COTL1: variants seen among roughly 807,000 people sequenced by gnomAD.
COTL1 encodes the protein coactosin-like protein.
COTL1 carries 15 observed loss-of-function variants against 16.5 expected under a neutral mutation model. The ratio of observed to expected loss-of-function variants is 0.91; its 90% confidence interval spans 0.61 to 1.40. The LOEUF (loss-of-function observed/expected upper bound fraction) is 1.40. Among genes scored for constraint, COTL1 ranks in the 40% most tolerant of loss-of-function variants. The pLI is 0.00. For missense variants in COTL1, 220 were observed against 201.5 expected (o/e 1.09, Z -0.56); for synonymous variants, 112 against 85.3 (o/e 1.31, Z -1.73).
In COTL1 at chr16:84,600,055, C is replaced by T. The variant is rs1009616551; in HGVS notation, c.161-9793G>A. Among the ~76,000 whole-genome samples the T allele has an allele frequency of 3.9e-5, 6 of 152,192 alleles. No homozygotes were observed. In the East Asian group the frequency reaches 9.7e-4, roughly 25 times the overall value. On this transcript the variant is annotated intron_variant, in intron 2 of 3. Coordinates refer to ENST00000262428, the MANE Select transcript of COTL1 (RefSeq NM_021149.5). ...GGCCTGAGGCTGGGGCTGGAAGGGGCCAGGTTCGTTGCTGAAGTTGAAGGG... is the reference window on the plus strand; with the variant it reads ...GGCCTGAGGCTGGGGCTGGAAGGGGTCAGGTTCGTTGCTGAAGTTGAAGGG...
chr16:84,613,064 G>A (rs1215109426), intron 2 of COTL1, among the ~76,000 whole-genome samples: 11 of 150,650 alleles, frequency 7.3e-5, no homozygotes, highest in African/African-American at 1.7e-4. Context: ...ACAACAGCGC[G>A]ATCTCGGCTC....
intron 3 of COTL1, chr16:84,568,261 G>A (rs1290790034): frequency 6.6e-6 from 1 of 152,176 alleles, no homozygotes; most frequent in Non-Finnish European, 1.5e-5. Context: ...GCCTCCCAAG[G>A]TGTTGGCACT....
intron 2 of COTL1, among the ~76,000 whole-genome samples, chr16:84,597,661 G>A (rs1905033398): frequency 6.6e-6 from 1 of 152,210 alleles, no homozygotes; most frequent in South Asian, 2.1e-4. Context: ...AGAACTCACT[G>A]TTGGGAGAGG....
chr16:84,580,231 C>G (rs1277469799), intron 3 of COTL1, among the ~76,000 whole-genome samples: 1 of 152,222 alleles, frequency 6.6e-6, no homozygotes, highest in Non-Finnish European at 1.5e-5. Context: ...CTCCTTCTTT[C>G]TCCTAGGAGA....
chr16:84,583,535 C>T (rs1303316987), intron 3 of COTL1, among the ~76,000 whole-genome samples: 2 of 152,196 alleles, frequency 1.3e-5, no homozygotes, highest in Admixed American at 1.3e-4. Flanking sequence ...ACAGCTCATG[C>T]AGCCTCCAAC....
intron 2 of COTL1, among the ~76,000 whole-genome samples, chr16:84,608,829 T>C (rs1279931144): frequency 6.6e-6 from 1 of 152,162 alleles, no homozygotes; most frequent in African/African-American, 2.4e-5. Flanking sequence ...TCGCCTGAGC[T>C]GGGAGGCAGA....
intron 3 of COTL1, chr16:84,568,163 A>T (rs1447371305): frequency 2.2e-4 from 33 of 152,134 alleles, no homozygotes; most frequent in Admixed American, 2.1e-3. Context: ...ACACCCAGCT[A>T]TTTTTTGTAT....
chr16:84,600,897 G>A (rs1288352206), intron 2 of COTL1, among the ~76,000 whole-genome samples: 5 of 152,186 alleles, frequency 3.3e-5, no homozygotes, highest in African/African-American at 1.2e-4. Context: ...AAATTAAACC[G>A]AGAGCTAAAG....
intron 3 of COTL1, among the ~76,000 whole-genome samples, chr16:84,570,141 T>A (rs1188958842): frequency 2.0e-5 from 3 of 152,066 alleles, no homozygotes; most frequent in Non-Finnish European, 4.4e-5. Context: ...CTGGGTGTAG[T>A]GGCGCGAGCC....
intron 2 of COTL1, chr16:84,596,966 C>CAG (rs10660614): frequency 0.21 from 32,244 of 152,606 alleles, 3,753 homozygotes; most frequent in Non-Finnish European, 0.27. Context: ...GCACAAACTC[C>CAG]AGAGATCAGC....
intron 2 of COTL1, among the ~76,000 whole-genome samples, chr16:84,606,598 C>A (rs1271865390): frequency 1.3e-5 from 2 of 152,222 alleles, no homozygotes; most frequent in African/African-American, 4.8e-5. Context: ...GTCACCTTCT[C>A]CAAGGCCATG....
At chr16:84,581,244 A>T (rs1042836616) in intron 3 of COTL1, among the ~76,000 whole-genome samples, 1 of 151,688 alleles carries the variant, frequency 6.6e-6, no homozygotes, top group Non-Finnish European at 1.5e-5. Context: ...GGTGAAATGC[A>T]TCAGGCCAAA....
intron 3 of COTL1, chr16:84,575,666 T>G (rs930525829): frequency 1.3e-5 from 2 of 152,198 alleles, no homozygotes; most frequent in African/African-American, 2.4e-5. Context: ...CCCCTTTTCA[T>G]TTTTTAATGG....
intron 2 of COTL1, among the ~76,000 whole-genome samples, chr16:84,602,713 T>C (rs11860351): frequency 0.042 from 6,440 of 151,924 alleles, 470 homozygotes; most frequent in African/African-American, 0.15. Context: ...AAATTAGCCA[T>C]TCATGGTGGT....
intron 3 of COTL1, among the ~76,000 whole-genome samples, chr16:84,573,329 G>A (rs1904374308): frequency 6.6e-6 from 1 of 152,356 alleles, no homozygotes; most frequent in African/African-American, 2.4e-5. Flanking sequence ...CAACAGCGCA[G>A]GTCTAGACAG....
chr16:84,593,457 A>G (rs932687837), intron 2 of COTL1, among the ~76,000 whole-genome samples: 4 of 151,762 alleles, frequency 2.6e-5, no homozygotes, highest in African/African-American at 9.7e-5. Context: ...CACCTGTAAA[A>G]CACGTTCTTT....
intron 2 of COTL1, among the ~76,000 whole-genome samples, chr16:84,601,469 T>A (rs931916927): frequency 6.6e-6 from 1 of 151,936 alleles, no homozygotes; most frequent in Non-Finnish European, 1.5e-5. Flanking sequence ...TTTTCTTTTA[T>A]CCCCCCGAGA....
At chr16:84,592,114 C>A (rs1163100604) in intron 2 of COTL1, among the ~76,000 whole-genome samples, 1 of 152,224 alleles carries the variant, frequency 6.6e-6, no homozygotes, top group Non-Finnish European at 1.5e-5. Context: ...TTGCAGATGT[C>A]CTCCAAAGGG....
At chr16:84,575,358 TTATTTA>T (rs1448382931) in intron 3 of COTL1, 1 of 151,472 alleles carries the variant, frequency 6.6e-6, no homozygotes, top group Non-Finnish European at 1.5e-5. Context: ...ATTTTTATTT[TTATTTA>T]TTTTCATTTT....
Sources: gnomAD v4.1 joint callset for allele counts (sites outside exome capture counted in the v4.1 genomes callset) on GRCh38, gnomAD v4.1.1 for gene constraint, MANE v1.5 for transcripts, NCBI Gene and HGNC (gene_info 2026-07-23, HGNC 2026-07-21) for gene names.